The following CCDC144A variants were observed in gnomAD, a reference collection of about 807,000 sequenced individuals.
CCDC144A encodes coiled-coil domain containing 144A.
A neutral mutation model predicts 143.8 loss-of-function variants in CCDC144A; 41 were observed. That is an observed-to-expected ratio of 0.29 (90% CI 0.22 to 0.37). CCDC144A has a LOEUF of 0.37. Among genes scored for constraint, CCDC144A ranks in the 10% least tolerant of loss-of-function variants. The pLI is 1.00. For synonymous variants in CCDC144A, 242 were observed against 517.9 expected, an observed-to-expected ratio of 0.47 and a Z score of 7.23; for missense variants, 637 against 1,488.8, an observed-to-expected ratio of 0.43 and a Z score of 9.41.
intron 15 of CCDC144A, among the ~76,000 whole-genome samples, chr17:16,770,643 A>AGT: frequency 6.6e-6 from 1 of 152,020 alleles, no homozygotes; most frequent in Non-Finnish European, 1.5e-5. Flanking sequence ...TGACTAAATC[A>AGT]GTGACATTCA....
intron 12 of CCDC144A, chr17:16,746,436 C>G (rs552077703): frequency 2.9e-5 from 46 of 1,608,450 alleles, no homozygotes; most frequent in South Asian, 2.5e-4. Flanking sequence ...GTTCTTCTAG[C>G]AATGAGCTCT....
At position 16,775,998 on chromosome 17, in the gene CCDC144A, A is replaced by G. The variant is rs867677245; in HGVS notation, c.*2365A>G. 1 of 151,758 alleles carries G rather than the reference A, an allele frequency of 6.6e-6. No individual in the cohort carries two copies. The highest frequency in any genetic ancestry group is 1.5e-5 in the Non-Finnish European group (1 of 67,740). The allele number at this position is 151,758 out of a possible 1,614,324, so 9.4% of individuals were successfully genotyped here. Reference sequence around the variant, plus strand: ...ATTGCTTCCTTTTGTCAGGTTTGTCAAAGATCACATGGTTGTAGGTGTGTG... The same window carrying G: ...ATTGCTTCCTTTTGTCAGGTTTGTCGAAGATCACATGGTTGTAGGTGTGTG... On this transcript the variant is annotated 3_prime_UTR_variant, in exon 17 of 17. Transcript: ENST00000399273.
chr17:16,743,617 C>T (rs1440269717), intron 12 of CCDC144A, among the ~76,000 whole-genome samples: 1 of 151,992 alleles, frequency 6.6e-6, no homozygotes, highest in African/African-American at 2.4e-5. Context: ...TTTTCCATTT[C>T]TGTGAAGAAT....
chr17:16,678,585 CTTT>C, the CCDC144A span, among the ~76,000 whole-genome samples: 3 of 136,840 alleles, frequency 2.2e-5, no homozygotes, highest in Middle Eastern at 3.4e-3. Context: ...TTTTTCTTTT[CTTT>C]TTTTTTTTTT....
At chr17:16,679,324 T>C in the CCDC144A span, among the ~76,000 whole-genome samples, 1 of 152,102 alleles carries the variant, frequency 6.6e-6, no homozygotes, top group Admixed American at 6.6e-5. Flanking sequence ...AAGGGACTTA[T>C]TTCACTTCAA....
At chr17:16,684,660 TAAA>T (rs746166164), upstream of CCDC144A, among the ~76,000 whole-genome samples, 1 of 130,736 alleles carries the variant, frequency 7.6e-6, no homozygotes, top group Non-Finnish European at 1.6e-5. Context: ...AGACTCCATC[TAAA>T]AAAAAAAAAA....
chr17:16,689,991 G>A (rs1270524109), upstream of CCDC144A: 1 of 156,830 alleles, frequency 6.4e-6, no homozygotes, highest in East Asian at 1.8e-4. Flanking sequence ...GGACCAGCCA[G>A]CCCAGGTTGG....
chr17:16,766,053 T>A (rs1915581465), intron 15 of CCDC144A: 2 of 152,398 alleles, frequency 1.3e-5, no homozygotes, highest in African/African-American at 4.8e-5. Context: ...ACAGCTTGGT[T>A]TTATACATTT....
chr17:16,712,971 G>T (rs1912537985), intron 6 of CCDC144A, among the ~76,000 whole-genome samples: 2 of 151,606 alleles, frequency 1.3e-5, no homozygotes, highest in South Asian at 4.2e-4. Context: ...TTAAATTTTT[G>T]TTTTTTGCTG....
chr17:16,671,517 A>T, the CCDC144A span, among the ~76,000 whole-genome samples: 1 of 152,068 alleles, frequency 6.6e-6, no homozygotes, highest in Non-Finnish European at 1.5e-5. Flanking sequence ...TAATGTAATT[A>T]AATGTACCAT....
chr17:16,750,656 T>C (rs531182941), intron 12 of CCDC144A, among the ~76,000 whole-genome samples: 34 of 151,850 alleles, frequency 2.2e-4, no homozygotes, highest in Non-Finnish European at 4.0e-4. Flanking sequence ...TTCCTCTCTC[T>C]CCTTCTCTTT....
chr17:16,717,089 C>T (rs1912809230), intron 6 of CCDC144A, among the ~76,000 whole-genome samples: 1 of 149,896 alleles, frequency 6.7e-6, no homozygotes, highest in South Asian at 2.1e-4. Flanking sequence ...GCGTGAGCCA[C>T]CGCGCTCGGC....
At chr17:16,744,196 T>C (rs1217980871) in intron 12 of CCDC144A, among the ~76,000 whole-genome samples, 1 of 152,242 alleles carries the variant, frequency 6.6e-6, no homozygotes, top group Non-Finnish European at 1.5e-5. Context: ...GAGAAGTGGA[T>C]ATTTAACCAA....
At chr17:16,738,148 G>A (rs1914105875) in intron 12 of CCDC144A, among the ~76,000 whole-genome samples, 1 of 151,262 alleles carries the variant, frequency 6.6e-6, no homozygotes, top group Admixed American at 6.6e-5. Context: ...GTACAGAAAG[G>A]CCATAGTACT....
Position 16,776,006 on chromosome 17 carries a change from C to T in CCDC144A, c.*2373C>T, listed in dbSNP as rs1486178573. 6.6e-6 allele frequency: 1 copy of T among 152,114 alleles called. No homozygotes were observed. The highest frequency in any genetic ancestry group is 1.5e-5 in the Non-Finnish European group (1 of 68,000). The allele number at this position is 152,114 out of a possible 1,614,324, so 9.4% of individuals were successfully genotyped here. On this transcript the variant is annotated 3_prime_UTR_variant, in exon 17 of 17. Transcript: ENST00000399273. ...CTTTTGTCAGGTTTGTCAAAGATCA[C>T]ATGGTTGTAGGTGTGTGGTCTTATT...
In CCDC144A at chr17:16,690,326, G is replaced by T. The variant is rs895404347; in HGVS notation, c.-75G>T. The T allele has an allele frequency of 5.0e-6, 6 of 1,197,730 alleles. No individual in the cohort carries two copies. The highest frequency in any genetic ancestry group is 5.8e-5 in the Admixed American group (2 of 34,286). The allele number at this position is 1,197,730 out of a possible 1,614,324, so 74.2% of individuals were successfully genotyped here. On this transcript the variant is annotated 5_prime_UTR_variant, in exon 1 of 17. Transcript: ENST00000399273. ...CTTGGCTTGGCATTTCTGGCTTGGC[G>T]GTCCTCCTTTCGCAGATTGGAAACC...
At chr17:16,761,377 C>T (rs1271771570) in intron 12 of CCDC144A, 48 bp from the exon 13 acceptor site, 4 of 1,556,162 alleles carry the variant, frequency 2.6e-6, no homozygotes, top group Middle Eastern at 2.3e-4. Context: ...TTAGACCATT[C>T]TCAGTCTACC....
At chr17:16,727,885 A>G in intron 9 of CCDC144A, 145 bp downstream of exon 9, 1 of 375,724 alleles carries the variant, frequency 2.7e-6, no homozygotes, top group Non-Finnish European at 5.1e-6. Context: ...ATAATAAAAC[A>G]AATTATTAAC....
upstream of CCDC144A, chr17:16,690,228 T>G (rs1266038874): frequency 4.0e-6 from 2 of 495,848 alleles, no homozygotes; most frequent in South Asian, 4.4e-5. Flanking sequence ...CGGATTGGCT[T>G]GGCCTTACCC....
Sources: gnomAD v4.1 joint callset for allele counts (sites outside exome capture counted in the v4.1 genomes callset) on GRCh38, gnomAD v4.1.1 for gene constraint, MANE v1.5 for transcripts, NCBI Gene and HGNC (gene_info 2026-07-23, HGNC 2026-07-21) for gene names.